NOL4: variants seen among roughly 807,000 people sequenced by gnomAD.
NOL4 encodes the protein cancer/testis antigen 125.
Under a neutral mutation model 75.9 loss-of-function variants are expected in NOL4, and 17 were observed. The observed-to-expected ratio is 0.22, with a 90% CI of 0.15 to 0.34. The LOEUF is 0.34. Among genes scored for constraint, NOL4 ranks in the 10% least tolerant of loss-of-function variants. The pLI is 1.00. For missense variants in NOL4, 614 were observed against 793.5 expected (o/e 0.77, Z 2.72); for synonymous variants, 292 against 289.9 (o/e 1.01, Z -0.07).
At chr18:34,067,828 A>C (rs2077345198) in intron 5 of NOL4, among the ~76,000 whole-genome samples, 1 of 151,802 alleles carries the variant, frequency 6.6e-6, no homozygotes, top group South Asian at 2.1e-4. Flanking sequence ...TTTGTGCCTG[A>C]ATGGTACTGT....
intron 6 of NOL4, among the ~76,000 whole-genome samples, chr18:34,004,837 C>T (rs2073945384): frequency 6.6e-6 from 1 of 152,046 alleles, no homozygotes; most frequent in Admixed American, 6.6e-5. Flanking sequence ...AATGAATCTT[C>T]CTCTTATATT....
chr18:34,138,136 A>T (rs2080977269), intron 1 of NOL4, among the ~76,000 whole-genome samples: 1 of 152,146 alleles, frequency 6.6e-6, no homozygotes, highest in Non-Finnish European at 1.5e-5. Context: ...ATAGGGCCAG[A>T]TGTGGTGGCT....
chr18:33,916,344 A>G (rs1004163942), intron 9 of NOL4, among the ~76,000 whole-genome samples: 1 of 152,150 alleles, frequency 6.6e-6, no homozygotes, highest in Admixed American at 6.6e-5. Flanking sequence ...GAAGATGACA[A>G]GCAGGTAACT....
intron 5 of NOL4, among the ~76,000 whole-genome samples, chr18:34,064,728 T>C (rs959783935): frequency 6.6e-6 from 1 of 151,944 alleles, no homozygotes; most frequent in Admixed American, 6.6e-5. Flanking sequence ...GCAATGTAAG[T>C]CAATCATTAC....
At chr18:34,114,805 A>G (rs1017584253) in intron 2 of NOL4, among the ~76,000 whole-genome samples, 6 of 152,082 alleles carry the variant, frequency 3.9e-5, no homozygotes, top group African/African-American at 1.2e-4. Context: ...ATTTCTGTAA[A>G]TTTAATGGAC....
intron 1 of NOL4, among the ~76,000 whole-genome samples, chr18:34,162,858 G>A (rs565926949): frequency 2.4e-4 from 36 of 152,070 alleles, no homozygotes; most frequent in Non-Finnish European, 2.5e-4. Flanking sequence ...ACTGGCAAAC[G>A]GAATCTAGCA....
chr18:33,893,927 G>T lies in NOL4; in HGVS notation c.1543-10503C>A, dbSNP rs374092640. On this transcript the variant is annotated intron_variant, in intron 9 of 10. Transcript: ENST00000261592. ...AATAGTAAACAAGTGGATAATGAAG[G>T]CCTCAGTTTGCCTTTGCTACCTCTA... 5.3e-5 allele frequency among the ~76,000 whole-genome samples: 8 copies of T among 152,146 alleles called. No individual in the cohort carries two copies. In the South Asian group the frequency reaches 8.3e-4, roughly 16 times the overall value.
At chr18:34,045,277 C>T (rs1183122143) in intron 5 of NOL4, among the ~76,000 whole-genome samples, 1 of 152,092 alleles carries the variant, frequency 6.6e-6, no homozygotes, top group Non-Finnish European at 1.5e-5. Flanking sequence ...AGATTATAGG[C>T]CTATGATTTC....
chr18:34,140,673 ATTTAC>A (rs756332146), intron 1 of NOL4, among the ~76,000 whole-genome samples: 56 of 152,258 alleles, frequency 3.7e-4, no homozygotes, highest in Non-Finnish European at 5.0e-4. Flanking sequence ...CATTTAGCCC[ATTTAC>A]ATTTAATGTT....
intron 1 of NOL4, among the ~76,000 whole-genome samples, chr18:34,151,133 A>G (rs932653526): frequency 6.6e-6 from 1 of 151,866 alleles, no homozygotes; most frequent in Non-Finnish European, 1.5e-5. Context: ...ACTTTATAGC[A>G]CTTTGGAAGA....
chr18:34,095,972 A>G (rs200144562), intron 4 of NOL4, among the ~76,000 whole-genome samples: 2 of 151,592 alleles, frequency 1.3e-5, no homozygotes, highest in African/African-American at 2.4e-5. Context: ...GAGGATATGT[A>G]TGTGTGTGTG....
chr18:33,896,188 A>C (rs1277385528), intron 9 of NOL4, among the ~76,000 whole-genome samples: 1 of 152,110 alleles, frequency 6.6e-6, no homozygotes, highest in Non-Finnish European at 1.5e-5. Flanking sequence ...CATGCTCATG[A>C]ATAGGAAGAA....
chr18:34,087,532 T>G (rs1012361198), intron 5 of NOL4, among the ~76,000 whole-genome samples: 2 of 152,050 alleles, frequency 1.3e-5, no homozygotes, highest in African/African-American at 4.8e-5. Flanking sequence ...GAACCATCAG[T>G]TCAAATCAAG....
At chr18:34,077,466 T>C (rs892546990) in intron 5 of NOL4, among the ~76,000 whole-genome samples, 2 of 151,930 alleles carry the variant, frequency 1.3e-5, no homozygotes, top group South Asian at 2.1e-4. Context: ...CACACACATA[T>C]AAAAATGTGT....
At chr18:34,068,704 G>C (rs2077386744) in intron 5 of NOL4, among the ~76,000 whole-genome samples, 1 of 152,088 alleles carries the variant, frequency 6.6e-6, no homozygotes, top group Admixed American at 6.5e-5. Flanking sequence ...GCAGAGAATT[G>C]CTTATTTCTG....
intron 6 of NOL4, among the ~76,000 whole-genome samples, chr18:33,999,853 C>T (rs2073568291): frequency 6.6e-6 from 1 of 152,016 alleles, no homozygotes; most frequent in African/African-American, 2.4e-5. Flanking sequence ...GGGGTTTCAC[C>T]ATGTTGGCCT....
intron 1 of NOL4, among the ~76,000 whole-genome samples, chr18:34,200,862 A>AT (rs1219981223): frequency 1.1e-4 from 16 of 151,152 alleles, no homozygotes; most frequent in African/African-American, 2.7e-4. Context: ...AAGAAAGACA[A>AT]TTTTTTTTTC....
intron 9 of NOL4, among the ~76,000 whole-genome samples, chr18:33,939,871 C>T (rs2068347210): frequency 1.3e-5 from 2 of 151,964 alleles, no homozygotes; most frequent in Non-Finnish European, 2.9e-5. Context: ...GGAATGCTTC[C>T]AGTTTTTGCC....
chr18:34,097,046 G>A (rs1274621121), intron 4 of NOL4, among the ~76,000 whole-genome samples: 1 of 152,056 alleles, frequency 6.6e-6, no homozygotes, highest in Non-Finnish European at 1.5e-5. Flanking sequence ...AAACTATGTA[G>A]TAATAGTCTC....
Sources: gnomAD v4.1 joint callset for allele counts (sites outside exome capture counted in the v4.1 genomes callset) on GRCh38, gnomAD v4.1.1 for gene constraint, MANE v1.5 for transcripts, NCBI Gene and HGNC (gene_info 2026-07-23, HGNC 2026-07-21) for gene names.